The following SUMF2 variants were observed in gnomAD, a reference collection of about 807,000 sequenced individuals.
SUMF2 encodes the protein inactive C-alpha-formylglycine-generating enzyme 2.
In SUMF2, 45 loss-of-function variants were observed where a neutral mutation model predicts 44.8. That is an observed-to-expected ratio of 1.00 (90% confidence interval 0.79 to 1.29). The LOEUF (loss-of-function observed/expected upper bound fraction) is 1.29, where lower values mean the gene tolerates loss of function less well. Among genes scored for constraint, SUMF2 ranks in the 50% most tolerant of loss-of-function variants. The probability of loss-of-function intolerance (pLI) is 0.00; values close to 1 mark genes in which losing one functional copy is unlikely to be tolerated. For synonymous variants in SUMF2, 148 were observed against 150.4 expected (o/e 0.98, Z 0.12); for missense variants, 418 against 389.9 (o/e 1.07, Z -0.61).
At chr7:56,064,413 G>C in intron 1 of SUMF2, 35 bp downstream of exon 1, 1 of 1,580,512 alleles carries the variant, frequency 6.3e-7, no homozygotes, top group South Asian at 1.1e-5. Context: ...GGGGGCGCTG[G>C]GAAGGGGATG....
Position 56,078,179 on chromosome 7 carries a change from C to T in SUMF2, c.669C>T (p.Asn223=). 1 of 1,611,352 alleles carries T rather than the reference C, an allele frequency of 6.2e-7. No homozygotes were observed. The highest frequency in any genetic ancestry group is 8.5e-7 in the Non-Finnish European group (1 of 1,177,768). ...VSPVNAFPAQ[N]NYGLYDLLGN... is the part of the protein sequence containing the mutation. ...CAGTGAATGCTTTCCCCGCCCAGAA[C>T]AACTACGGTAAGAGCTGTCTTGGGC... The change falls in exon 7 of 9, where the codon AAC becomes AAT. Residue 223 remains asparagine, a synonymous_variant. Transcript: ENST00000434526.
chr7:56,078,976 A>T, intron 8 of SUMF2: 1 of 624,092 alleles, frequency 1.6e-6, no homozygotes, highest in Non-Finnish European at 2.9e-6. Flanking sequence ...AGCTCACTAC[A>T]GCCTCAAACT....
chr7:56,082,585 C>T (rs1796059727), downstream of SUMF2, among the ~76,000 whole-genome samples: 1 of 151,276 alleles, frequency 6.6e-6, no homozygotes, highest in Non-Finnish European at 1.5e-5. Flanking sequence ...GAGTGAGACT[C>T]TGTTTCAAAA....
rs148215154 is a variant in SUMF2 at position 56,080,080 on chromosome 7, G to A, written c.*468G>A. 604 of 576,578 alleles carry A rather than the reference G, an allele frequency of 1.0e-3. 5 individuals are homozygous for A. Among genetic ancestry groups the A allele is most frequent in the African/African-American group, 9.1e-3 (487 of 53,456 alleles). 35.7% of individuals were successfully genotyped at this position (576,578 alleles called of 1,614,324 possible). A position where few individuals can be genotyped will look rare whatever the true frequency, so the allele number is the denominator to read the frequency against. ...TCTTTGTGGCCTCATCTGTGGTTTC[G>A]TGTCCCTCTGAAGGAAACTAGTTTC... On this transcript the variant is annotated 3_prime_UTR_variant, in exon 9 of 9. Transcript: ENST00000434526.
At position 56,073,023 on chromosome 7, in the gene SUMF2, G is replaced by A. The variant is rs573445042; in HGVS notation, c.251G>A (p.Arg84Gln). The A allele has an allele frequency of 1.7e-5, 27 of 1,613,942 alleles. No homozygotes were observed. Among genetic ancestry groups the A allele is most frequent in the East Asian group, 6.7e-5 (3 of 44,886 alleles). The stretch of plus-strand genomic sequence containing the variant: ...GATTTTGTCAGGGAGAAAAAGTATC[G>A]GACAGAAGCTGAGATGTTTGGATGG... Reference protein sequence around the residue: ...FRDFVREKKYRTEAEMFGWSF... With the variant: ...FRDFVREKKYQTEAEMFGWSF... The change falls in exon 3 of 9, where the codon CGG becomes CAG. Residue 84 changes from arginine to glutamine, a missense_variant. Physicochemically the swap from Arg to Gln is conservative, Grantham distance 43. Coordinates refer to ENST00000434526, the MANE Select transcript of SUMF2 (RefSeq NM_015411.4).
downstream of SUMF2, chr7:56,083,031 G>C (rs1023854621): frequency 2.2e-5 from 9 of 413,316 alleles, no homozygotes; most frequent in African/African-American, 1.8e-4. Flanking sequence ...ACTTGAACTC[G>C]GGAGGTGGAA....
intron 1 of SUMF2, among the ~76,000 whole-genome samples, chr7:56,067,729 CAA>C (rs1363035681): frequency 6.6e-6 from 1 of 151,608 alleles, no homozygotes; most frequent in African/African-American, 2.4e-5. Flanking sequence ...CCCATCTCTA[CAA>C]AAAATACAAA....
intron 6 of SUMF2, among the ~76,000 whole-genome samples, chr7:56,077,744 G>C (rs898934498): frequency 3.9e-5 from 6 of 152,094 alleles, no homozygotes; most frequent in Non-Finnish European, 8.8e-5. Flanking sequence ...GCAGTGCTCA[G>C]GCATGAGACA....
intron 1 of SUMF2, 126 bp downstream of exon 1, chr7:56,064,504 G>A: frequency 1.5e-6 from 2 of 1,332,418 alleles, no homozygotes; most frequent in Admixed American, 3.0e-5. Context: ...GGCTGGGGAG[G>A]TAGCTCTCGG....
At chr7:56,087,560 G>A in the SUMF2 span, 20 of 1,592,252 alleles carry the variant, frequency 1.3e-5, no homozygotes, top group Non-Finnish European at 1.7e-5. Flanking sequence ...AGAATCACAG[G>A]GGGGCACCCT....
chr7:56,083,964 T>C (rs370395407), downstream of SUMF2, among the ~76,000 whole-genome samples: 8 of 152,232 alleles, frequency 5.3e-5, no homozygotes, highest in African/African-American at 9.6e-5. Flanking sequence ...CTCCGAGGAA[T>C]AGGCCTAGGT....
chr7:56,084,217 C>G (rs758444828), downstream of SUMF2: 1 of 1,533,586 alleles, frequency 6.5e-7, no homozygotes, highest in South Asian at 1.2e-5. Flanking sequence ...ATTTCTGTTC[C>G]ATCTCCATTG....
At chr7:56,082,380 G>A (rs1302322454), downstream of SUMF2, 2 of 664,636 alleles carry the variant, frequency 3.0e-6, no homozygotes, top group Non-Finnish European at 5.1e-6. Flanking sequence ...CTCATCTGAG[G>A]CCAGGAGTTC....
At chr7:56,076,171 C>T (rs930014681) in intron 5 of SUMF2, among the ~76,000 whole-genome samples, 5 of 152,142 alleles carry the variant, frequency 3.3e-5, no homozygotes, top group Non-Finnish European at 7.4e-5. Flanking sequence ...GGACTACAGG[C>T]GCCCGCCACC....
intron 1 of SUMF2, among the ~76,000 whole-genome samples, chr7:56,066,730 C>T (rs538887048): frequency 6.6e-6 from 1 of 152,370 alleles, no homozygotes; most frequent in African/African-American, 2.4e-5. Context: ...AAGCGATTCT[C>T]CTGCCTCAGC....
intron 6 of SUMF2, 33 bp from the exon 7 acceptor site, chr7:56,078,069 G>C: frequency 7.6e-6 from 12 of 1,582,816 alleles, no homozygotes; most frequent in East Asian, 2.3e-5. Flanking sequence ...TGGGACAGGT[G>C]GTAAATCCTT....
At chr7:56,083,586 C>G (rs892720442), downstream of SUMF2, 6 of 1,503,598 alleles carry the variant, frequency 4.0e-6, no homozygotes, top group African/African-American at 8.3e-5. Flanking sequence ...TCCCCTGAGA[C>G]CCCAGTGCCT....
Position 56,079,413 on chromosome 7 carries a change from C to T in SUMF2, c.822-115C>T, listed in dbSNP as rs1034854882. Reference sequence around the variant, plus strand: ...GCTTCTTTCCAGACCATGCTCTCCCCAGCCCTCATGCTCCCTGATCATGGC... The same window carrying T: ...GCTTCTTTCCAGACCATGCTCTCCCTAGCCCTCATGCTCCCTGATCATGGC... On this transcript the variant is annotated intron_variant, in intron 8 of 8. Coordinates refer to ENST00000434526, the MANE Select transcript of SUMF2 (RefSeq NM_015411.4). 4.7e-6 allele frequency: 5 copies of T among 1,060,628 alleles called. No homozygotes were observed. The African/African-American group carries it at 4.7e-5, about 10-fold the overall frequency. The allele number at this position is 1,060,628 out of a possible 1,614,324, so 65.7% of individuals were successfully genotyped here. A position where few individuals can be genotyped will look rare whatever the true frequency, so the allele number is the denominator to read the frequency against.
chr7:56,087,479 G>T, the SUMF2 span: 1 of 892,714 alleles, frequency 1.1e-6, no homozygotes, highest in Non-Finnish European at 1.7e-6. Context: ...GTGGAGCTGG[G>T]AGCCTTGAGC....
Sources: allele counts gnomAD v4.1 joint callset (sites outside exome capture counted in the v4.1 genomes callset), GRCh38; gene constraint gnomAD v4.1.1; transcripts MANE v1.5; gene names NCBI Gene and HGNC (gene_info 2026-07-23, HGNC 2026-07-21).